Variants in CTNNA3 observed in about 807,000 individuals in gnomAD.
CTNNA3 encodes the protein catenin alpha-3.
A neutral mutation model predicts 95.7 loss-of-function variants in CTNNA3; 76 were observed. The ratio of observed to expected loss-of-function variants is 0.79; its 90% CI spans 0.66 to 0.96. CTNNA3 has a LOEUF of 0.96. Ranked by LOEUF, CTNNA3 falls within the 40% of genes least tolerant of loss-of-function variation. The probability of loss-of-function intolerance (pLI) is 0.00; values close to 1 mark genes in which losing one functional copy is unlikely to be tolerated. For missense variants in CTNNA3, 1,191 were observed against 1,089.8 expected, an observed-to-expected ratio of 1.09 and a Z score of -1.31; for synonymous variants, 431 against 374.4, an observed-to-expected ratio of 1.15 and a Z score of -1.74.
At chr10:66,888,031 T>G (rs1845110151) in intron 7 of CTNNA3, among the ~76,000 whole-genome samples, 1 of 151,942 alleles carries the variant, frequency 6.6e-6, no homozygotes, top group Admixed American at 6.6e-5. Flanking sequence ...TTACCCTGGG[T>G]TATATAGAGG....
At chr10:66,660,996 G>T (rs1028822665) in intron 9 of CTNNA3, among the ~76,000 whole-genome samples, 1 of 152,192 alleles carries the variant, frequency 6.6e-6, no homozygotes, top group African/African-American at 2.4e-5. Context: ...GTTTTTGTTA[G>T]AGTTTGGTAT....
intron 7 of CTNNA3, among the ~76,000 whole-genome samples, chr10:67,075,809 A>T (rs1856718402): frequency 6.6e-6 from 1 of 152,276 alleles, no homozygotes; most frequent in Non-Finnish European, 1.5e-5. Flanking sequence ...ATCTATTTTT[A>T]AAATGCATGA....
intron 5 of CTNNA3, among the ~76,000 whole-genome samples, chr10:67,509,407 GT>G (rs1243944065): frequency 2.0e-5 from 3 of 152,006 alleles, no homozygotes; most frequent in Non-Finnish European, 4.4e-5. Flanking sequence ...TGTTCCCACT[GT>G]TCAATTCCCA....
intron 11 of CTNNA3, among the ~76,000 whole-genome samples, chr10:66,453,863 A>C (rs1056829587): frequency 6.6e-6 from 1 of 152,212 alleles, no homozygotes; most frequent in Non-Finnish European, 1.5e-5. Flanking sequence ...TAGTAGGCAG[A>C]ATAATGGCTC....
intron 14 of CTNNA3, among the ~76,000 whole-genome samples, chr10:66,072,345 G>C (rs2080456404): frequency 1.3e-5 from 2 of 152,096 alleles, no homozygotes; most frequent in South Asian, 4.1e-4. Context: ...TATGACCAGG[G>C]AACACAGATT....
chr10:66,580,854 T>A lies in CTNNA3; in HGVS notation c.1374+40838A>T, dbSNP rs1048773877. Among the ~76,000 whole-genome samples the A allele has an allele frequency of 2.6e-5, 4 of 151,742 alleles. No individual in the cohort carries two copies. In the East Asian group the frequency reaches 5.8e-4, roughly 22 times the overall value. On this transcript the variant is annotated intron_variant, in intron 10 of 17. Transcript: ENST00000433211. ...GTCTAGGATATTAGTGCATGCATTA[T>A]CTGAATAGTGCATATTGTACTCAAT...
chr10:66,649,132 G>A (rs1845809027), intron 9 of CTNNA3, among the ~76,000 whole-genome samples: 2 of 152,126 alleles, frequency 1.3e-5, no homozygotes, highest in South Asian at 4.1e-4. Context: ...AAGGAGGAAT[G>A]ATTGAACAAT....
intron 7 of CTNNA3, among the ~76,000 whole-genome samples, chr10:66,954,907 T>C (rs774616359): frequency 6.6e-6 from 1 of 152,304 alleles, no homozygotes; most frequent in South Asian, 2.1e-4. Flanking sequence ...TGGCTTGTAA[T>C]GTAATTTTGT....
intron 15 of CTNNA3, among the ~76,000 whole-genome samples, chr10:66,011,888 G>A (rs1054395309): frequency 2.0e-5 from 3 of 152,082 alleles, no homozygotes; most frequent in South Asian, 2.1e-4. Flanking sequence ...TTTGTTATGC[G>A]TGTGGCACTT....
intron 6 of CTNNA3, among the ~76,000 whole-genome samples, chr10:67,202,717 G>A (rs1258358501): frequency 6.6e-6 from 1 of 151,788 alleles, no homozygotes; most frequent in Non-Finnish European, 1.5e-5. Flanking sequence ...CCAACAGACC[G>A]ATCATGCTAG....
rs535555271 is a variant in CTNNA3 at position 67,580,582 on chromosome 10, C to G, written c.292+26275G>C. Among the ~76,000 whole-genome samples, 33 of 150,546 alleles carry G rather than the reference C, an allele frequency of 2.2e-4. No homozygotes were observed. In the East Asian group the frequency reaches 6.0e-3, roughly 27 times the overall value. On this transcript the variant is annotated intron_variant, in intron 3 of 17. Transcript: ENST00000433211. ...ATATGAACTTTAAAGTAGTTTTTTC[C>G]AATTCTGTGAAGAAAGTCATTGGTA... is the stretch of plus-strand genomic sequence containing the variant.
chr10:66,091,337 A>T (rs751805867), intron 14 of CTNNA3, among the ~76,000 whole-genome samples: 10 of 151,952 alleles, frequency 6.6e-5, no homozygotes, highest in Non-Finnish European at 1.0e-4. Flanking sequence ...TACCCTATTT[A>T]TTCTGTAGCT....
intron 6 of CTNNA3, among the ~76,000 whole-genome samples, chr10:67,216,411 C>T (rs1241715998): frequency 6.6e-6 from 1 of 152,014 alleles, no homozygotes; most frequent in Non-Finnish European, 1.5e-5. Flanking sequence ...TAAAGTAGAG[C>T]CATATACCCC....
intron 5 of CTNNA3, among the ~76,000 whole-genome samples, chr10:67,379,624 G>A (rs1843840268): frequency 2.6e-5 from 4 of 152,116 alleles, no homozygotes; most frequent in African/African-American, 9.7e-5. Flanking sequence ...GGATCAATAG[G>A]TGACAGGTCC....
At chr10:66,128,703 C>T (rs1214760287) in intron 13 of CTNNA3, among the ~76,000 whole-genome samples, 1 of 152,110 alleles carries the variant, frequency 6.6e-6, no homozygotes, top group African/African-American at 2.4e-5. Flanking sequence ...ACTTTCATTA[C>T]ATTATGATGG....
chr10:67,673,201 C>T (rs1394918599), intron 1 of CTNNA3, among the ~76,000 whole-genome samples: 1 of 150,502 alleles, frequency 6.6e-6, no homozygotes, highest in Non-Finnish European at 1.5e-5. Flanking sequence ...GATTTTTGTA[C>T]ATTGATTTTG....
chr10:65,972,497 T>C (rs2078124707), intron 16 of CTNNA3, among the ~76,000 whole-genome samples: 1 of 152,128 alleles, frequency 6.6e-6, no homozygotes. Flanking sequence ...TTTTTTAGGA[T>C]ACAAAATCAT....
chr10:66,459,684 C>T (rs1341607146), intron 11 of CTNNA3, among the ~76,000 whole-genome samples: 5 of 152,138 alleles, frequency 3.3e-5, no homozygotes, highest in Non-Finnish European at 7.4e-5. Context: ...CCTGTTGCTT[C>T]TAGGCTAAAA....
chr10:66,431,459 T>A (rs35213302), intron 11 of CTNNA3, among the ~76,000 whole-genome samples: 1 of 151,646 alleles, frequency 6.6e-6, no homozygotes, highest in Non-Finnish European at 1.5e-5. Context: ...ATGTTTATTG[T>A]GGCACTATTC....
Sources: gnomAD v4.1 joint callset for allele counts (sites outside exome capture counted in the v4.1 genomes callset) on GRCh38, gnomAD v4.1.1 for gene constraint, MANE v1.5 for transcripts, NCBI Gene and HGNC (gene_info 2026-07-23, HGNC 2026-07-21) for gene names.